Variants in JMJD1C observed in about 807,000 individuals in gnomAD.
JMJD1C encodes jumonji domain containing 1C, also known as jumonji domain-containing protein 1C.
In JMJD1C, 31 loss-of-function variants were observed where a neutral mutation model predicts 245.3. The ratio of observed to expected loss-of-function variants is 0.13; its 90% CI spans 0.09 to 0.17. JMJD1C has a LOEUF of 0.17. Among genes scored for constraint, JMJD1C ranks in the 10% least tolerant of loss-of-function variants. The pLI is 1.00. For missense variants in JMJD1C, 2,691 were observed against 3,000.2 expected, an observed-to-expected ratio of 0.90 and a Z score of 2.41; for synonymous variants, 1,057 against 1,017.4, an observed-to-expected ratio of 1.04 and a Z score of -0.74.
intron 2 of JMJD1C, among the ~76,000 whole-genome samples, chr10:63,288,905 AATAATAATAATAATAATAATAATG>A (rs1276437121): frequency 2.2e-5 from 3 of 133,940 alleles, no homozygotes; most frequent in African/African-American, 9.5e-5. Context: ...TAATAATAAT[AATAATAATAATAATAATAATAATG>A]ATAATAATCT....
chr10:63,314,538 C>A (rs929620523), intron 2 of JMJD1C, among the ~76,000 whole-genome samples: 2 of 139,170 alleles, frequency 1.4e-5, no homozygotes, highest in African/African-American at 5.1e-5. Context: ...CAGAGTGAGA[C>A]CCTGTCACAA....
At chr10:63,366,352 T>G (rs1589594555) in intron 2 of JMJD1C, among the ~76,000 whole-genome samples, 1 of 152,276 alleles carries the variant, frequency 6.6e-6, no homozygotes, top group East Asian at 1.9e-4. Flanking sequence ...AATCAGAAAC[T>G]CTACATTTGG....
intron 3 of JMJD1C, among the ~76,000 whole-genome samples, chr10:63,235,002 A>G (rs745744133): frequency 6.6e-6 from 1 of 152,300 alleles, no homozygotes; most frequent in East Asian, 1.9e-4. Context: ...AACATATCAC[A>G]TAGTATGTAT....
intron 1 of JMJD1C, among the ~76,000 whole-genome samples, chr10:63,476,190 A>G (rs1369202789): frequency 6.6e-6 from 1 of 151,270 alleles, no homozygotes; most frequent in East Asian, 1.9e-4. Flanking sequence ...AGCCTGGGCG[A>G]CAGAATGAGA....
intron 1 of JMJD1C, among the ~76,000 whole-genome samples, chr10:63,454,242 TA>T (rs1564936703): frequency 6.7e-6 from 1 of 148,590 alleles, no homozygotes; most frequent in Non-Finnish European, 1.5e-5. Flanking sequence ...ATCGGAGCTC[TA>T]AAAGGAGAAA....
At chr10:63,234,824 T>C (rs1413375945) in intron 3 of JMJD1C, among the ~76,000 whole-genome samples, 1 of 152,020 alleles carries the variant, frequency 6.6e-6, no homozygotes, top group African/African-American at 2.4e-5. Context: ...TAGTACGACA[T>C]TGATTGTACC....
At chr10:63,451,131 AAC>A (rs2133016647) in intron 1 of JMJD1C, among the ~76,000 whole-genome samples, 1 of 152,356 alleles carries the variant, frequency 6.6e-6, no homozygotes, top group Non-Finnish European at 1.5e-5. Context: ...AAGGAAATTA[AAC>A]ACACAAATAA....
intron 3 of JMJD1C, among the ~76,000 whole-genome samples, chr10:63,249,150 T>C (rs1852694935): frequency 6.6e-6 from 1 of 152,118 alleles, no homozygotes; most frequent in Non-Finnish European, 1.5e-5. Context: ...ACCCTGTCTC[T>C]ACTAAAAATA....
At chr10:63,496,372 A>G (rs1466267159) in intron 1 of JMJD1C, among the ~76,000 whole-genome samples, 5 of 152,188 alleles carry the variant, frequency 3.3e-5, no homozygotes, top group Admixed American at 6.5e-5. Context: ...GAGAAAAAAA[A>G]ATAAGATAAT....
chr10:63,404,970 A>G (rs1949082387), intron 1 of JMJD1C, among the ~76,000 whole-genome samples: 1 of 152,220 alleles, frequency 6.6e-6, no homozygotes, highest in African/African-American at 2.4e-5. Flanking sequence ...TACCAGCTGC[A>G]ATGTTTAAGG....
intron 1 of JMJD1C, among the ~76,000 whole-genome samples, chr10:63,475,915 A>C (rs1339131459): frequency 1.3e-5 from 2 of 152,174 alleles, no homozygotes; most frequent in African/African-American, 4.8e-5. Flanking sequence ...AATAGATTTA[A>C]AGTTGATAAT....
intron 2 of JMJD1C, among the ~76,000 whole-genome samples, chr10:63,374,167 A>C (rs1946535221): frequency 6.6e-6 from 1 of 152,202 alleles, no homozygotes; most frequent in Admixed American, 6.5e-5. Context: ...ATCTGTAATA[A>C]TATAAAGAAA....
chr10:63,378,920 C>T (rs532796045), intron 2 of JMJD1C, among the ~76,000 whole-genome samples: 1 of 152,028 alleles, frequency 6.6e-6, no homozygotes, highest in Non-Finnish European at 1.5e-5. Flanking sequence ...GTTTGCTATG[C>T]AAAATTTTCT....
At chr10:63,400,876 T>C (rs1419538098) in intron 1 of JMJD1C, among the ~76,000 whole-genome samples, 1 of 151,438 alleles carries the variant, frequency 6.6e-6, no homozygotes, top group Non-Finnish European at 1.5e-5. Context: ...CCAGCCCTTT[T>C]TGTTGTTGTT....
chr10:63,397,901 ATAAT>A (rs1369512142), intron 1 of JMJD1C, among the ~76,000 whole-genome samples: 5 of 152,236 alleles, frequency 3.3e-5, no homozygotes, highest in African/African-American at 1.2e-4. Flanking sequence ...AAGTTCATAA[ATAAT>A]TATTCAGCAA....
chr10:63,513,118 T>C (rs1954919106), intron 1 of JMJD1C, among the ~76,000 whole-genome samples: 1 of 152,196 alleles, frequency 6.6e-6, no homozygotes, highest in Admixed American at 6.5e-5. Context: ...ATGTTAATCC[T>C]ATATTTTTTT....
chr10:63,386,640 C>T (rs1947615373), intron 1 of JMJD1C, among the ~76,000 whole-genome samples: 1 of 152,228 alleles, frequency 6.6e-6, no homozygotes. Context: ...CTGACACCCA[C>T]CCACATGTGG....
At chr10:63,395,916 GAA>G (rs762298314) in intron 1 of JMJD1C, among the ~76,000 whole-genome samples, 16 of 151,822 alleles carry the variant, frequency 1.1e-4, no homozygotes, top group Non-Finnish European at 2.2e-4. Context: ...TCAGAGTTGA[GAA>G]AAAAAGACAG....
At chr10:63,521,864 C>A (rs576174952), upstream of JMJD1C, 1 of 170,262 alleles carries the variant, frequency 5.9e-6, no homozygotes, top group South Asian at 1.8e-4. Flanking sequence ...CGCCCCTGCT[C>A]CGGCGGCGCT....
Sources: gnomAD v4.1 joint callset for allele counts (sites outside exome capture counted in the v4.1 genomes callset) on GRCh38, gnomAD v4.1.1 for gene constraint, MANE v1.5 for transcripts, NCBI Gene and HGNC (gene_info 2026-07-23, HGNC 2026-07-21) for gene names.